PCDH10: variants seen among roughly 807,000 people sequenced by gnomAD.
The protein encoded by PCDH10 is protocadherin 10, also known as protocadherin-10.
A neutral mutation model predicts 74.4 loss-of-function variants in PCDH10; 15 were observed. The ratio of observed to expected loss-of-function variants is 0.20; its 90% CI spans 0.13 to 0.31. The LOEUF (loss-of-function observed/expected upper bound fraction) is 0.31. Ranked by LOEUF, PCDH10 falls within the 10% of genes least tolerant of loss-of-function variation. The probability of loss-of-function intolerance (pLI) is 1.00; values close to 1 mark genes in which losing one functional copy is unlikely to be tolerated. For missense variants in PCDH10, 1,260 were observed against 1,390.2 expected (o/e 0.91, Z 1.49); for synonymous variants, 619 against 589.8 (o/e 1.05, Z -0.72).
chr4:133,162,063 A>G (rs1726981038), intron 3 of PCDH10, among the ~76,000 whole-genome samples: 1 of 152,180 alleles, frequency 6.6e-6, no homozygotes, highest in Non-Finnish European at 1.5e-5. Flanking sequence ...AATATTTGTA[A>G]TCTTGTCAAT....
intron 2 of PCDH10, among the ~76,000 whole-genome samples, chr4:133,207,798 T>C (rs902820769): frequency 6.6e-6 from 1 of 152,144 alleles, no homozygotes; most frequent in Non-Finnish European, 1.5e-5. Flanking sequence ...ATGTCTTTTG[T>C]AATATAAAAA....
At chr4:133,181,169 CA>C (rs1318989326) in intron 4 of PCDH10, among the ~76,000 whole-genome samples, 1 of 151,186 alleles carries the variant, frequency 6.6e-6, no homozygotes. Context: ...AAATTTTACT[CA>C]AAAAAACAGG....
intron 2 of PCDH10, among the ~76,000 whole-genome samples, chr4:133,206,473 T>C (rs1728006101): frequency 6.6e-6 from 1 of 152,192 alleles, no homozygotes; most frequent in South Asian, 2.1e-4. Flanking sequence ...TTACCCCTAC[T>C]TCAGAACTAA....
intron 3 of PCDH10, among the ~76,000 whole-genome samples, chr4:133,160,683 A>T (rs960671566): frequency 3.3e-5 from 5 of 150,904 alleles, no homozygotes; most frequent in African/African-American, 1.2e-4. Context: ...TTAGAAGAGT[A>T]GTTGGGCCTA....
chr4:133,154,894 T>C (rs1726831160), intron 2 of PCDH10, 23 bp from the exon 3 acceptor site: 1 of 1,452,970 alleles, frequency 6.9e-7, no homozygotes, highest in African/African-American at 1.4e-5. Context: ...TTTATTCTAA[T>C]ATTCACATTT....
rs1160435108 is a variant in PCDH10, at chr4:133,192,380, A to T, written c.*2220A>T. On this transcript the variant is annotated 3_prime_UTR_variant, in exon 5 of 5. Transcript: ENST00000264360. ...CACTCTGCTTTAATTAAAATGTTTC[A>T]CGCATCATTTTGCAATCATGGGTGA... 2 of 151,500 alleles carry T rather than the reference A, an allele frequency of 1.3e-5. No individual in the cohort carries two copies. The highest frequency in any genetic ancestry group is 3.0e-5 in the Non-Finnish European group (2 of 67,582). The allele number at this position is 151,500 out of a possible 1,614,324, so 9.4% of individuals were successfully genotyped here. A position where few individuals can be genotyped will look rare whatever the true frequency, so the allele number is the denominator to read the frequency against.
chr4:133,176,503 A>G (rs1373365746), intron 4 of PCDH10, among the ~76,000 whole-genome samples: 6 of 152,186 alleles, frequency 3.9e-5, no homozygotes, highest in East Asian at 1.9e-4. Context: ...GAGTATGGAC[A>G]AAATTACAAT....
At chr4:133,157,827 C>G (rs912872212) in intron 3 of PCDH10, among the ~76,000 whole-genome samples, 1 of 152,064 alleles carries the variant, frequency 6.6e-6, no homozygotes, top group Non-Finnish European at 1.5e-5. Flanking sequence ...TCCACCCCCT[C>G]CTTCTTGCTT....
In PCDH10 at chr4:133,163,006, G is replaced by A; in HGVS notation, c.2827G>A (p.Glu943Lys). The change falls in exon 4 of 5, where the codon GAA becomes AAA. Residue 943 changes from glutamate (E) to lysine (K), a missense_variant. Physicochemically the swap from Glu to Lys is moderately conservative, Grantham distance 56. Coordinates refer to ENST00000264360, the MANE Select transcript of PCDH10 (RefSeq NM_032961.3). The stretch of plus-strand genomic sequence containing the variant: ...GGATCTCTTCTCCAATTGCACTGAG[G>A]AATGTAAAGCTCTGGGCCACTCAGA... ...GMDLFSNCTEECKALGHSDRC... is the reference protein window; with the variant it reads ...GMDLFSNCTEKCKALGHSDRC... 1 of 1,613,612 alleles carries A rather than the reference G, an allele frequency of 6.2e-7. No homozygotes were observed. Among genetic ancestry groups the A allele is most frequent in the Non-Finnish European group, 8.5e-7 (1 of 1,179,626 alleles).
intron 4 of PCDH10, among the ~76,000 whole-genome samples, chr4:133,171,465 A>G (rs573068796): frequency 4.1e-4 from 62 of 152,312 alleles, no homozygotes; most frequent in African/African-American, 1.4e-3. Context: ...TTGGATACAG[A>G]AATAGTCAAG....
At chr4:133,173,215 G>A (rs368829320) in intron 4 of PCDH10, among the ~76,000 whole-genome samples, 116 of 152,002 alleles carry the variant, frequency 7.6e-4, no homozygotes, top group Middle Eastern at 3.4e-3. Flanking sequence ...GAGAAATGGC[G>A]TATCTGAAGA....
intron 4 of PCDH10, among the ~76,000 whole-genome samples, chr4:133,188,775 G>A (rs968168153): frequency 3.5e-5 from 5 of 143,424 alleles, no homozygotes; most frequent in Admixed American, 1.5e-4. Context: ...CTGGGTTCAA[G>A]CAATTCTTCT....
intron 1 of PCDH10, chr4:133,153,687 G>A (rs1351244049): frequency 6.7e-6 from 1 of 148,172 alleles, no homozygotes; most frequent in Non-Finnish European, 1.5e-5. Context: ...TAGAGGTGGG[G>A]AGGCGAATGC....
Position 133,186,532 on chromosome 4 carries a change from A to G in PCDH10, c.3104-3609A>G, listed in dbSNP as rs374779129. On this transcript the variant is annotated intron_variant, in intron 4 of 4. Transcript: ENST00000264360. ...TAGAAAGCATAGAGATTCTCTGTGT[A>G]TTTGACTCATTCTGTCAAACCTAAA... Among the ~76,000 whole-genome samples, 13 of 152,158 alleles carry G rather than the reference A, an allele frequency of 8.5e-5. No individual in the cohort carries two copies. In the East Asian group the frequency reaches 1.5e-3, roughly 18 times the overall value.
chr4:133,166,080 T>G (rs1250109036), intron 4 of PCDH10, among the ~76,000 whole-genome samples: 1 of 151,662 alleles, frequency 6.6e-6, no homozygotes, highest in Non-Finnish European at 1.5e-5. Flanking sequence ...CTTGCTGAGT[T>G]ATTCATGAGC....
intron 4 of PCDH10, among the ~76,000 whole-genome samples, chr4:133,179,872 G>A (rs924838046): frequency 1.4e-4 from 21 of 151,816 alleles, no homozygotes; most frequent in African/African-American, 5.1e-4. Flanking sequence ...ATGGAAATGA[G>A]GTGCAAATCT....
intron 4 of PCDH10, among the ~76,000 whole-genome samples, chr4:133,167,666 A>G (rs1727114079): frequency 6.6e-6 from 1 of 151,414 alleles, no homozygotes; most frequent in South Asian, 2.1e-4. Context: ...TTGTGCTACT[A>G]TGTGTACTCT....
intron 4 of PCDH10, among the ~76,000 whole-genome samples, chr4:133,173,380 TC>T (rs1339039222): frequency 1.3e-5 from 2 of 151,978 alleles, no homozygotes; most frequent in African/African-American, 4.8e-5. Context: ...ATCTATATAG[TC>T]CTGTGAGATT....
intron 2 of PCDH10, among the ~76,000 whole-genome samples, chr4:133,204,220 T>A (rs1727959056): frequency 6.6e-6 from 1 of 152,174 alleles, no homozygotes; most frequent in Non-Finnish European, 1.5e-5. Context: ...TTAGGCAACC[T>A]GGGAGCCATG....
Sources: allele counts gnomAD v4.1 joint callset (sites outside exome capture counted in the v4.1 genomes callset), GRCh38; gene constraint gnomAD v4.1.1; transcripts MANE v1.5; gene names NCBI Gene and HGNC (gene_info 2026-07-23, HGNC 2026-07-21).